Variants in SART3 observed in about 807,000 individuals in gnomAD.
SART3 encodes the protein spliceosome associated factor 3, U4/U6 recycling protein, also known as HIV-1 Tat-interacting protein of 110kDa.
SART3 carries 44 observed loss-of-function variants against 122.3 expected under a neutral mutation model. The observed-to-expected ratio is 0.36, with a 90% CI of 0.28 to 0.46. SART3 has a LOEUF of 0.46. SART3 is among the 20% of genes least tolerant of loss of function. The pLI is 1.00. For missense variants in SART3, 1,101 were observed against 1,229.0 expected, an observed-to-expected ratio of 0.90 and a Z score of 1.56; for synonymous variants, 442 against 454.0, an observed-to-expected ratio of 0.97 and a Z score of 0.34.
chr12:108,546,383 T>C (rs1371595142), intron 3 of SART3, among the ~76,000 whole-genome samples: 3 of 151,912 alleles, frequency 2.0e-5, no homozygotes, highest in African/African-American at 7.3e-5. Context: ...GTATTTTTAG[T>C]AGAGATGGGG....
chr12:108,544,696 G>A, intron 4 of SART3: 1 of 670,354 alleles, frequency 1.5e-6, no homozygotes. Context: ...GTCCTGAGTA[G>A]CTAGGACCAC....
At chr12:108,531,549 A>C in intron 13 of SART3, 1 of 398,130 alleles carries the variant, frequency 2.5e-6, no homozygotes, top group Non-Finnish European at 4.6e-6. Flanking sequence ...GAACGTTCTA[A>C]TGCAAAAGTA....
At chr12:108,557,002 T>A (rs2030247510) in intron 1 of SART3, among the ~76,000 whole-genome samples, 1 of 152,172 alleles carries the variant, frequency 6.6e-6, no homozygotes, top group Non-Finnish European at 1.5e-5. Context: ...AAGCTGACTT[T>A]TAAGGTGTGG....
chr12:108,527,571 C>T (rs1005774840), intron 15 of SART3, among the ~76,000 whole-genome samples: 4 of 152,214 alleles, frequency 2.6e-5, no homozygotes, highest in Non-Finnish European at 5.9e-5. Context: ...TCACACATCA[C>T]ATTTGCCTTA....
At chr12:108,523,743 G>GAA (rs34982944) in intron 18 of SART3, 109 bp from the exon 19 acceptor site, 17,767 of 675,512 alleles carry the variant, frequency 0.026, 15 homozygotes, top group Middle Eastern at 0.032. Context: ...GTTAAAAGGT[G>GAA]AAAAAAAAAA....
chr12:108,527,604 T>A (rs376729756), intron 15 of SART3, among the ~76,000 whole-genome samples: 1 of 152,220 alleles, frequency 6.6e-6, no homozygotes, highest in Non-Finnish European at 1.5e-5. Flanking sequence ...GGGAGGCCAG[T>A]GGAGCAATGA....
In SART3 at chr12:108,535,385, C is replaced by T; in HGVS notation, c.1530G>A (p.Met510Ile). Residue 510 changes from methionine to isoleucine, a missense_variant, in exon 12 of 19, where the codon ATG becomes ATA. Around this residue, in one of 2 missense-constraint regions of SART3, gnomAD observed 885 missense variants for 1,080.1 expected, o/e 0.82. Coordinates refer to ENST00000546815, the MANE Select transcript of SART3 (RefSeq NM_014706.4). ...TTTCCAGGTTGTAATACTCTAGCCA[C>T]ATGTTGGCGTACTTGGCATTTCCTC... Reference protein sequence around the residue: ...MTRGNAKYANMWLEYYNLERA... With the variant: ...MTRGNAKYANIWLEYYNLERA... 6.2e-7 allele frequency: 1 copy of T among 1,614,042 alleles called. No individual in the cohort carries two copies. Among genetic ancestry groups the T allele is most frequent in the Non-Finnish European group, 8.5e-7 (1 of 1,179,950 alleles).
intron 1 of SART3, among the ~76,000 whole-genome samples, chr12:108,558,607 T>C (rs893468141): frequency 3.3e-5 from 5 of 152,082 alleles, no homozygotes; most frequent in Admixed American, 1.3e-4. Context: ...CAGAATAGGC[T>C]CATCGAAAGG....
rs912404325 is a variant in SART3, at chr12:108,547,554, C to CT, written c.544+332dup. Among the ~76,000 whole-genome samples, 6 of 151,522 alleles carry CT rather than the reference C, an allele frequency of 4.0e-5. No homozygotes were observed. The East Asian group carries it at 5.8e-4, about 15-fold the overall frequency. ...AAAGGTTTTCTTTTAATGTTTTAAT[C>CT]TTTTTTTTTAAAGCATCCTGTCCAA... On this transcript the variant is annotated intron_variant, in intron 3 of 18. Transcript: ENST00000546815.
At chr12:108,549,834 A>T (rs1049464422) in intron 1 of SART3, among the ~76,000 whole-genome samples, 3 of 151,874 alleles carry the variant, frequency 2.0e-5, no homozygotes, top group Admixed American at 6.6e-5. Flanking sequence ...TCAGCAACAC[A>T]GTCAAACCCT....
In SART3 at chr12:108,559,588, C is replaced by T. The variant is rs2030387610; in HGVS notation, c.312+1255G>A. Among the ~76,000 whole-genome samples the T allele has an allele frequency of 2.7e-5, 4 of 148,134 alleles. No individual in the cohort carries two copies. The Admixed American group carries it at 2.7e-4, about 10-fold the overall frequency. On this transcript the variant is annotated intron_variant, in intron 1 of 18. Coordinates refer to ENST00000546815, the MANE Select transcript of SART3 (RefSeq NM_014706.4). ...GCTGAGGCAGGAGAATCGCTTGAAC[C>T]AGGGCGGCAGAGGTTGCAGTGACAC...
chr12:108,552,511 G>A (rs2030048818), intron 1 of SART3, among the ~76,000 whole-genome samples: 1 of 146,590 alleles, frequency 6.8e-6, no homozygotes, highest in African/African-American at 2.6e-5. Flanking sequence ...AACTGAGCAA[G>A]GTCACAGAAT....
chr12:108,560,799 A>T (rs2030495433), intron 1 of SART3, 44 bp downstream of exon 1: 1 of 1,527,576 alleles, frequency 6.5e-7, no homozygotes, highest in Admixed American at 1.9e-5. Flanking sequence ...GGACCCGAGG[A>T]CCTGAAAGAC....
intron 1 of SART3, chr12:108,560,330 C>G (rs2030450260): frequency 5.9e-6 from 1 of 170,552 alleles, no homozygotes; most frequent in Non-Finnish European, 1.2e-5. Flanking sequence ...AAGAGTTGAA[C>G]AGCTAGAACT....
chr12:108,555,987 C>T (rs975090456), intron 1 of SART3, among the ~76,000 whole-genome samples: 4 of 152,166 alleles, frequency 2.6e-5, no homozygotes, highest in Admixed American at 6.5e-5. Context: ...AAAACAGACC[C>T]ATGCAGTTGA....
chr12:108,532,807 G>A (rs1272201874), intron 12 of SART3, among the ~76,000 whole-genome samples: 1 of 151,714 alleles, frequency 6.6e-6, no homozygotes, highest in Non-Finnish European at 1.5e-5. Flanking sequence ...AGGTGGGAGT[G>A]CAATAGCACG....
chr12:108,528,765 G>T (rs539810656), intron 15 of SART3, among the ~76,000 whole-genome samples: 35 of 152,310 alleles, frequency 2.3e-4, no homozygotes, highest in African/African-American at 7.7e-4. Flanking sequence ...ATACCTACAG[G>T]GGCCGGGTGG....
At chr12:108,546,048 C>CAGAA (rs1873402690) in intron 3 of SART3, among the ~76,000 whole-genome samples, 1 of 150,328 alleles carries the variant, frequency 6.7e-6, no homozygotes, top group Non-Finnish European at 1.5e-5. Context: ...AGATTATAAA[C>CAGAA]CAAAAAACTG....
At chr12:108,546,187 G>A (rs570792453) in intron 3 of SART3, among the ~76,000 whole-genome samples, 24 of 152,178 alleles carry the variant, frequency 1.6e-4, no homozygotes, top group Admixed American at 7.9e-4. Flanking sequence ...AAGAGGGTAC[G>A]AAATCTGAAA....
Sources: allele counts gnomAD v4.1 joint callset (sites outside exome capture counted in the v4.1 genomes callset), GRCh38; gene constraint gnomAD v4.1.1; regional missense constraint gnomAD v4.1.1; transcripts MANE v1.5; gene names NCBI Gene and HGNC (gene_info 2026-07-23, HGNC 2026-07-21).